Variants in DCPH1 observed in about 807,000 individuals in gnomAD.
DCPH1 encodes the protein damage control phosphatase 1.
At chr6:151,468,377 T>C in the DCPH1 span, 2 of 1,577,592 alleles carry the variant, frequency 1.3e-6, no homozygotes, top group South Asian at 1.2e-5. Flanking sequence ...GATCTGTCTC[T>C]CTCAGGTGGA....
the DCPH1 span, chr6:151,454,798 A>T: frequency 1.9e-6 from 1 of 532,738 alleles, no homozygotes; most frequent in South Asian, 2.5e-5. Context: ...ATACATTGAA[A>T]TGAAGATAGA....
the DCPH1 span, among the ~76,000 whole-genome samples, chr6:151,468,047 C>T: frequency 9.2e-5 from 14 of 152,344 alleles, no homozygotes; most frequent in African/African-American, 3.1e-4. Context: ...CTAATATCTG[C>T]AAGCTGCAAA....
the DCPH1 span, among the ~76,000 whole-genome samples, chr6:151,460,921 T>C: frequency 1.3e-5 from 2 of 152,138 alleles, no homozygotes; most frequent in East Asian, 3.9e-4. Context: ...CCCAGTGAAA[T>C]GTAGGCGTTG....
chr6:151,469,191 T>C, the DCPH1 span: 1 of 1,231,536 alleles, frequency 8.1e-7, no homozygotes, highest in South Asian at 1.5e-5. Context: ...GTGAATTGAG[T>C]CGCCTGGCGG....
At chr6:151,462,282 G>T in the DCPH1 span, among the ~76,000 whole-genome samples, 1 of 152,178 alleles carries the variant, frequency 6.6e-6, no homozygotes, top group Admixed American at 6.5e-5. Flanking sequence ...TGTACCCAGT[G>T]CCCAGATCAA....
the DCPH1 span, among the ~76,000 whole-genome samples, chr6:151,459,964 C>A: frequency 6.6e-6 from 1 of 152,102 alleles, no homozygotes; most frequent in African/African-American, 2.4e-5. Flanking sequence ...CAAGTCAGCA[C>A]TAATTGTAAA....
At chr6:151,453,165 G>T in the DCPH1 span, among the ~76,000 whole-genome samples, 1 of 152,308 alleles carries the variant, frequency 6.6e-6, no homozygotes, top group Non-Finnish European at 1.5e-5. Flanking sequence ...CAGAAAGTAG[G>T]TTGAGGCCAA....
the DCPH1 span, among the ~76,000 whole-genome samples, chr6:151,459,723 G>A: frequency 7.6e-3 from 1,154 of 152,238 alleles, 19 homozygotes; most frequent in African/African-American, 0.026. Flanking sequence ...CCTGGGAGGC[G>A]GAGGTTCCAG....
the DCPH1 span, among the ~76,000 whole-genome samples, chr6:151,461,857 A>C: frequency 3.9e-5 from 6 of 152,216 alleles, no homozygotes; most frequent in Admixed American, 1.3e-4. Context: ...TCAAGAAACT[A>C]GAATGTTGCA....
the DCPH1 span, among the ~76,000 whole-genome samples, chr6:151,459,010 G>A: frequency 1.3e-5 from 2 of 152,108 alleles, no homozygotes; most frequent in Non-Finnish European, 2.9e-5. Flanking sequence ...GGTGGCACGG[G>A]CCTGTAATCC....
chr6:151,464,144 T>C, the DCPH1 span, among the ~76,000 whole-genome samples: 40 of 152,222 alleles, frequency 2.6e-4, no homozygotes, highest in Non-Finnish European at 4.6e-4. Flanking sequence ...TCTTGAAATT[T>C]ATCTTTCTCC....
At chr6:151,454,600 G>T in the DCPH1 span, 1 of 1,582,434 alleles carries the variant, frequency 6.3e-7, no homozygotes, top group Non-Finnish European at 8.7e-7. Context: ...CTTAACTAAG[G>T]TTATTGATAC....
At chr6:151,454,557 A>G in the DCPH1 span, 6 of 1,463,752 alleles carry the variant, frequency 4.1e-6, no homozygotes, top group South Asian at 1.2e-5. Flanking sequence ...GATCATTTGC[A>G]TATCTTACAA....
chr6:151,467,327 G>A, the DCPH1 span, among the ~76,000 whole-genome samples: 2 of 151,644 alleles, frequency 1.3e-5, no homozygotes, highest in Admixed American at 1.3e-4. Flanking sequence ...GGCCTGACAA[G>A]GTGGCTCATG....
chr6:151,460,391 C>A, the DCPH1 span, among the ~76,000 whole-genome samples: 1 of 151,952 alleles, frequency 6.6e-6, no homozygotes, highest in Non-Finnish European at 1.5e-5. Context: ...GCATGAGCCA[C>A]CACGCCCAGC....
the DCPH1 span, among the ~76,000 whole-genome samples, chr6:151,458,826 A>G: frequency 6.6e-6 from 1 of 152,190 alleles, no homozygotes; most frequent in African/African-American, 2.4e-5. Flanking sequence ...CCTAGAATAG[A>G]CATAAGAGTA....
the DCPH1 span, among the ~76,000 whole-genome samples, chr6:151,455,484 G>A: frequency 6.6e-6 from 1 of 152,206 alleles, no homozygotes; most frequent in Admixed American, 6.5e-5. Context: ...AAAGGTCTTT[G>A]CATCATAGAC....
the DCPH1 span, chr6:151,452,475 T>C: frequency 4.5e-6 from 7 of 1,559,066 alleles, no homozygotes; most frequent in Non-Finnish European, 6.1e-6. Flanking sequence ...AGCTCCTCCT[T>C]CGCGGCGGTA....
the DCPH1 span, chr6:151,458,578 T>G: frequency 6.3e-7 from 1 of 1,588,672 alleles, no homozygotes; most frequent in Non-Finnish European, 8.6e-7. Flanking sequence ...CAGAGGTACG[T>G]GTGTAATCAT....
Sources: gnomAD v4.1 joint callset for allele counts (sites outside exome capture counted in the v4.1 genomes callset) on GRCh38, gnomAD v4.1.1 for gene constraint, MANE v1.5 for transcripts, NCBI Gene and HGNC (gene_info 2026-07-23, HGNC 2026-07-21) for gene names.